The following RBM19 variants were observed in gnomAD, a reference collection of about 807,000 sequenced individuals.
RBM19 encodes the protein probable RNA-binding protein 19.
Under a neutral mutation model 116.8 loss-of-function variants are expected in RBM19, and 94 were observed. The ratio of observed to expected loss-of-function variants is 0.80; its 90% CI spans 0.68 to 0.95. RBM19 has a LOEUF of 0.95. Among genes scored for constraint, RBM19 ranks in the 40% least tolerant of loss-of-function variants. The pLI is 0.00. For missense variants in RBM19, 1,161 were observed against 1,220.7 expected (o/e 0.95, Z 0.73); for synonymous variants, 475 against 494.1 (o/e 0.96, Z 0.51).
chr12:113,864,225 A>G (rs962545685), intron 21 of RBM19, among the ~76,000 whole-genome samples: 1 of 152,198 alleles, frequency 6.6e-6, no homozygotes, highest in Non-Finnish European at 1.5e-5. Context: ...CCTATCTACA[A>G]GCAGCCAAAG....
intron 21 of RBM19, among the ~76,000 whole-genome samples, chr12:113,869,211 T>C (rs1016294734): frequency 1.2e-4 from 19 of 152,146 alleles, no homozygotes; most frequent in African/African-American, 4.3e-4. Context: ...AGACCTGAGA[T>C]GGCAAAGGGG....
chr12:113,854,370 C>T (rs757866537), intron 22 of RBM19, among the ~76,000 whole-genome samples: 2 of 152,092 alleles, frequency 1.3e-5, no homozygotes, highest in African/African-American at 4.8e-5. Context: ...CAACTGACAG[C>T]CGTGCACACG....
downstream of RBM19, among the ~76,000 whole-genome samples, chr12:113,818,953 A>C (rs1277343485): frequency 6.6e-6 from 1 of 152,108 alleles, no homozygotes; most frequent in Non-Finnish European, 1.5e-5. Context: ...CCAGGGGTGG[A>C]CCCTTGGTGG....
intron 23 of RBM19, 80 bp from the exon 24 acceptor site, chr12:113,823,401 A>G (rs894843181): frequency 7.9e-7 from 1 of 1,258,726 alleles, no homozygotes; most frequent in South Asian, 1.3e-5. Flanking sequence ...ATGACAGAGG[A>G]AGGAGGGAGA....
At chr12:113,907,508 A>G (rs1471515039) in intron 21 of RBM19, among the ~76,000 whole-genome samples, 1 of 152,190 alleles carries the variant, frequency 6.6e-6, no homozygotes, top group Admixed American at 6.5e-5. Context: ...CTTTCAAACC[A>G]CAGCAAAGTA....
rs1175308587 is a variant in RBM19, at chr12:113,825,044, G to A, written c.2786-1723C>T. On this transcript the variant is annotated intron_variant, in intron 23 of 23. Coordinates refer to ENST00000261741, the MANE Select transcript of RBM19 (RefSeq NM_016196.4). The surrounding 1 kb of genome is among the most constrained non-coding windows in gnomAD (Gnocchi z 5.7). ...AGCTCCAATGCCACCCCACCCCCTG[G>A]CACTTTTTATTACCCACACTGCCGC... is the stretch of plus-strand genomic sequence containing the variant. Among the ~76,000 whole-genome samples, 1 of 152,100 alleles carries A rather than the reference G, an allele frequency of 6.6e-6. No homozygotes were observed. The highest frequency in any genetic ancestry group is 2.4e-5 in the African/African-American group (1 of 41,416).
chr12:113,952,955 C>A (rs1306794544), intron 7 of RBM19, among the ~76,000 whole-genome samples: 2 of 152,074 alleles, frequency 1.3e-5, no homozygotes. Context: ...ATTAGTTTTG[C>A]AAGTAGCCAC....
chr12:113,823,157 G>C lies in RBM19; in HGVS notation c.*67C>G. 6.9e-7 allele frequency: 1 copy of C among 1,453,076 alleles called. No homozygotes were observed. Among genetic ancestry groups the C allele is most frequent in the South Asian group, 1.2e-5 (1 of 85,922 alleles). The allele number at this position is 1,453,076 out of a possible 1,614,324, so 90.0% of individuals were successfully genotyped here. On this transcript the variant is annotated 3_prime_UTR_variant, in exon 24 of 24. Coordinates refer to ENST00000261741, the MANE Select transcript of RBM19 (RefSeq NM_016196.4). ...CGCCCCCCAGCCCACATGGTGGTGA[G>C]TGCAGAAGCTGGAGCGGCTGTCCCG... is the stretch of plus-strand genomic sequence containing the variant.
intron 22 of RBM19, among the ~76,000 whole-genome samples, chr12:113,856,216 G>A (rs909609831): frequency 6.6e-6 from 1 of 152,198 alleles, no homozygotes; most frequent in Non-Finnish European, 1.5e-5. Flanking sequence ...GGGATGGAGG[G>A]GGAGGAGCTG....
chr12:113,957,386 G>A (rs1872036379), intron 6 of RBM19, among the ~76,000 whole-genome samples: 1 of 152,020 alleles, frequency 6.6e-6, no homozygotes, highest in Non-Finnish European at 1.5e-5. Context: ...GACCAGCCTG[G>A]CTAACATGAC....
At chr12:113,964,136 G>A (rs1872696770) in intron 1 of RBM19, among the ~76,000 whole-genome samples, 1 of 152,188 alleles carries the variant, frequency 6.6e-6, no homozygotes, top group Non-Finnish European at 1.5e-5. Flanking sequence ...TACAGTGTCA[G>A]CAATATCACA....
At chr12:113,886,679 C>T (rs200817037) in intron 21 of RBM19, among the ~76,000 whole-genome samples, 103 of 151,526 alleles carry the variant, frequency 6.8e-4, no homozygotes, top group African/African-American at 2.1e-3. Flanking sequence ...TTTGTTTTTG[C>T]TTTTGTTTTT....
intron 22 of RBM19, among the ~76,000 whole-genome samples, chr12:113,853,935 A>G (rs913557402): frequency 5.3e-5 from 8 of 151,946 alleles, no homozygotes; most frequent in Non-Finnish European, 7.4e-5. Flanking sequence ...CTAATTGGAG[A>G]GTCCTTCTCC....
At chr12:113,920,092 C>A (rs1234196209) in intron 19 of RBM19, among the ~76,000 whole-genome samples, 1 of 152,200 alleles carries the variant, frequency 6.6e-6, no homozygotes, top group Non-Finnish European at 1.5e-5. Context: ...TGGCCCCTGC[C>A]TCAGACCCTC....
At chr12:113,837,108 T>C (rs557896534) in intron 23 of RBM19, among the ~76,000 whole-genome samples, 38 of 124,846 alleles carry the variant, frequency 3.0e-4, no homozygotes, top group Middle Eastern at 6.0e-3. Flanking sequence ...CATACATACA[T>C]ACACACACAC....
rs761998204 is a variant in RBM19 at position 113,920,631 on chromosome 12, T to C, written c.2365A>G (p.Lys789Glu). The C allele has an allele frequency of 6.2e-7, 1 of 1,614,146 alleles. No individual in the cohort carries two copies. Among genetic ancestry groups the C allele is most frequent in the Admixed American group, 1.7e-5 (1 of 60,020 alleles). Reference sequence around the variant, plus strand: ...TTTACCTGGAGCTGCTTGAGAGCTTTCTGGGCTTGCTCCGGCTTCCTGTAT... The same window carrying C: ...TTTACCTGGAGCTGCTTGAGAGCTTCCTGGGCTTGCTCCGGCTTCCTGTAT... ...VEYRKPEQAQ[K>E]ALKQLQGHVV... Residue 789 changes from lysine (K) to glutamate (E), a missense_variant, in exon 19 of 24, where the codon AAA becomes GAA. Transcript: ENST00000261741.
At chr12:113,829,260 C>A (rs1875155274) in intron 23 of RBM19, among the ~76,000 whole-genome samples, 1 of 152,232 alleles carries the variant, frequency 6.6e-6, no homozygotes, top group African/African-American at 2.4e-5. Flanking sequence ...GGATTATAGG[C>A]ATGAGCCACT....
chr12:113,864,132 G>A (rs1467396493), intron 21 of RBM19, among the ~76,000 whole-genome samples: 1 of 152,198 alleles, frequency 6.6e-6, no homozygotes, highest in Admixed American at 6.5e-5. Flanking sequence ...GGTTCCATGG[G>A]CAGCATCAGG....
At chr12:113,959,120 C>CT in intron 5 of RBM19, 92 bp downstream of exon 5, 1 of 1,429,352 alleles carries the variant, frequency 7.0e-7, no homozygotes, top group Non-Finnish European at 9.5e-7. Flanking sequence ...CACCTGACTC[C>CT]TAGAGTCTGC....
Sources: gnomAD v4.1 joint callset for allele counts (sites outside exome capture counted in the v4.1 genomes callset) on GRCh38, gnomAD v4.1.1 for gene constraint, Gnocchi (gnomAD v3.1) non-coding constraint, MANE v1.5 for transcripts, NCBI Gene and HGNC (gene_info 2026-07-23, HGNC 2026-07-21) for gene names.